FAR2: variants seen among roughly 807,000 people sequenced by gnomAD.
FAR2 encodes epididymis secretory protein Li 81.
In FAR2, 19 loss-of-function variants were observed where a neutral mutation model predicts 56.0. The observed-to-expected ratio is 0.34, with a 90% CI of 0.24 to 0.50. FAR2 has a LOEUF of 0.50. Among genes scored for constraint, FAR2 ranks in the 20% least tolerant of loss-of-function variants. The pLI, the probability that FAR2 is intolerant of heterozygous loss-of-function variation, is 0.98. For synonymous variants in FAR2, 219 were observed against 218.8 expected (o/e 1.00, Z -0.01); for missense variants, 508 against 642.2 (o/e 0.79, Z 2.26).
chr12:29,332,386 G>T (rs889999121), intron 10 of FAR2, among the ~76,000 whole-genome samples: 22 of 152,142 alleles, frequency 1.4e-4, no homozygotes, highest in Non-Finnish European at 3.1e-4. Context: ...TGAAGTGTTT[G>T]TGTTTGATCC....
At chr12:29,255,225 G>T (rs1591896629) in intron 1 of FAR2, among the ~76,000 whole-genome samples, 1 of 152,142 alleles carries the variant, frequency 6.6e-6, no homozygotes, top group African/African-American at 2.4e-5. Context: ...TTCCTGGCTT[G>T]CAGACTATTG....
At chr12:29,303,825 C>T (rs1172812208) in intron 4 of FAR2, among the ~76,000 whole-genome samples, 1 of 152,178 alleles carries the variant, frequency 6.6e-6, no homozygotes, top group Non-Finnish European at 1.5e-5. Flanking sequence ...ATTCTGTGTA[C>T]TTTGATATTA....
At chr12:29,261,389 CAA>C (rs1948415433) in intron 1 of FAR2, among the ~76,000 whole-genome samples, 1 of 151,548 alleles carries the variant, frequency 6.6e-6, no homozygotes, top group African/African-American at 2.4e-5. Context: ...ACAGAGAAGA[CAA>C]AAGATAAAAG....
At chr12:29,258,691 T>C (rs369854997) in intron 1 of FAR2, among the ~76,000 whole-genome samples, 1 of 152,252 alleles carries the variant, frequency 6.6e-6, no homozygotes, top group South Asian at 2.1e-4. Flanking sequence ...TGAAATTGAC[T>C]TGATTATGTA....
intron 1 of FAR2, among the ~76,000 whole-genome samples, chr12:29,253,299 A>C (rs1290601905): frequency 2.1e-5 from 3 of 144,684 alleles, no homozygotes; most frequent in Non-Finnish European, 3.0e-5. Context: ...ATCTATCTAG[A>C]TAGATATCTA....
chr12:29,221,273 C>T (rs1280157121), intron 1 of FAR2, among the ~76,000 whole-genome samples: 1 of 151,998 alleles, frequency 6.6e-6, no homozygotes, highest in Non-Finnish European at 1.5e-5. Flanking sequence ...TCCCTGATGC[C>T]GACTAGGACC....
At chr12:29,182,571 A>G (rs1950001783) in intron 1 of FAR2, among the ~76,000 whole-genome samples, 1 of 152,208 alleles carries the variant, frequency 6.6e-6, no homozygotes, top group Non-Finnish European at 1.5e-5. Flanking sequence ...GTAAGACAGA[A>G]AAGTTCTCCA....
At chr12:29,321,001 A>T (rs1949541932) in intron 9 of FAR2, among the ~76,000 whole-genome samples, 1 of 152,174 alleles carries the variant, frequency 6.6e-6, no homozygotes, top group South Asian at 2.1e-4. Context: ...AGACTTACCT[A>T]ACAAAGATGA....
intron 1 of FAR2, among the ~76,000 whole-genome samples, chr12:29,214,136 A>G (rs1025159264): frequency 6.6e-6 from 1 of 152,206 alleles, no homozygotes; most frequent in African/African-American, 2.4e-5. Context: ...TCTTTCAAGA[A>G]GCTTTTAGCT....
intron 1 of FAR2, among the ~76,000 whole-genome samples, chr12:29,172,305 G>A (rs1354125659): frequency 6.6e-6 from 1 of 152,264 alleles, no homozygotes; most frequent in Non-Finnish European, 1.5e-5. Flanking sequence ...CAAGTGTTAA[G>A]TGACAGCCTT....
chr12:29,154,719 T>C (rs35447364), intron 1 of FAR2, among the ~76,000 whole-genome samples: 2,340 of 152,290 alleles, frequency 0.015, 44 homozygotes, highest in African/African-American at 0.048. Flanking sequence ...GCCACCGCAC[T>C]GGGCCCCTAC....
At chr12:29,270,733 A>G in intron 2 of FAR2, 95 bp downstream of exon 2, 1 of 1,061,458 alleles carries the variant, frequency 9.4e-7, no homozygotes, top group Non-Finnish European at 1.3e-6. Context: ...GCAAGTGGGG[A>G]CCAGGCTACC....
At chr12:29,212,237 C>A (rs1442209821) in intron 1 of FAR2, among the ~76,000 whole-genome samples, 1 of 152,176 alleles carries the variant, frequency 6.6e-6, no homozygotes, top group Non-Finnish European at 1.5e-5. Context: ...CCACTTCTAC[C>A]TCTGCCTTAA....
At chr12:29,228,076 A>G (rs967322562) in intron 1 of FAR2, among the ~76,000 whole-genome samples, 1 of 151,932 alleles carries the variant, frequency 6.6e-6, no homozygotes, top group African/African-American at 2.4e-5. Context: ...GCACATGTAT[A>G]CATATGTAAC....
chr12:29,211,906 G>A (rs954154442), intron 1 of FAR2, among the ~76,000 whole-genome samples: 2 of 148,102 alleles, frequency 1.4e-5, no homozygotes, highest in Non-Finnish European at 3.0e-5. Context: ...GGGAAAATTT[G>A]GACACAGAGA....
chr12:29,211,285 C>A (rs554393163), intron 1 of FAR2, among the ~76,000 whole-genome samples: 1 of 152,066 alleles, frequency 6.6e-6, no homozygotes, highest in East Asian at 1.9e-4. Flanking sequence ...AGCAATACTC[C>A]GTCTCAAAAA....
intron 1 of FAR2, among the ~76,000 whole-genome samples, chr12:29,199,411 A>G (rs1947375846): frequency 6.6e-6 from 1 of 150,968 alleles, no homozygotes; most frequent in Non-Finnish European, 1.5e-5. Flanking sequence ...CATCCTGGCC[A>G]ACATGGTGAA....
At chr12:29,171,784 G>C (rs1949889169) in intron 1 of FAR2, 1 of 152,996 alleles carries the variant, frequency 6.5e-6, no homozygotes, top group African/African-American at 2.4e-5. Context: ...TCTGGGAACT[G>C]AGGAGCACCT....
chr12:29,169,094 A>G (rs1949860910), intron 1 of FAR2, among the ~76,000 whole-genome samples: 1 of 152,092 alleles, frequency 6.6e-6, no homozygotes, highest in Non-Finnish European at 1.5e-5. Flanking sequence ...TGCGTTTCCA[A>G]TCCTCTAGCT....
Sources: allele counts gnomAD v4.1 joint callset (sites outside exome capture counted in the v4.1 genomes callset), GRCh38; gene constraint gnomAD v4.1.1; transcripts MANE v1.5; gene names NCBI Gene and HGNC (gene_info 2026-07-23, HGNC 2026-07-21).